DMD: variants seen among roughly 807,000 people sequenced by gnomAD.
DMD encodes mutant dystrophin.
DMD carries 63 observed loss-of-function variants against 330.1 expected under a neutral mutation model. That is an observed-to-expected ratio of 0.19 (90% CI 0.16 to 0.24). The LOEUF (loss-of-function observed/expected upper bound fraction) is 0.24, where lower values mean the gene tolerates loss of function less well. Among genes scored for constraint, DMD ranks in the 10% least tolerant of loss-of-function variants. The pLI is 1.00. For missense variants in DMD, 3,344 were observed against 2,684.1 expected, an observed-to-expected ratio of 1.25 and a Z score of -5.43; for synonymous variants, 1,223 against 959.8, an observed-to-expected ratio of 1.27 and a Z score of -5.07.
rs1282148726 is a variant in DMD, at chrX:33,010,029, C to T, written c.93+10110G>A. Reference sequence around the variant, plus strand: ...ATGTGTATATACACATATGTGTGTACATGTGTATATACACATGTGTATATA... The same window carrying T: ...ATGTGTATATACACATATGTGTGTATATGTGTATATACACATGTGTATATA... On this transcript the variant is annotated intron_variant, in intron 2 of 78. Transcript: ENST00000357033. Among the ~76,000 whole-genome samples the T allele has an allele frequency of 5.9e-4, 17 of 29,039 alleles. 1 individual carries two copies. The highest frequency in any genetic ancestry group is 2.2e-3 in the African/African-American group (15 of 6,915). The allele number at this position is 29,039 out of a possible 115,157, so 25.2% of individuals were successfully genotyped here.
chrX:31,397,545 T>C (rs1055166192), intron 60 of DMD, among the ~76,000 whole-genome samples: 2 of 112,663 alleles, frequency 1.8e-5, no homozygotes, highest in Admixed American at 1.9e-4. Context: ...AATCTCTTTA[T>C]CTGTTGCATC....
chrX:32,835,085 A>T (rs1231266471), intron 4 of DMD, among the ~76,000 whole-genome samples: 1 of 111,991 alleles, frequency 8.9e-6, no homozygotes, highest in Non-Finnish European at 1.9e-5. Flanking sequence ...TTAAAAGTGC[A>T]AATATCTAAT....
At chrX:33,314,699 G>C (rs1432175047) in intron 1 of DMD, among the ~76,000 whole-genome samples, 2 of 106,004 alleles carry the variant, frequency 1.9e-5, no homozygotes, top group Non-Finnish European at 3.9e-5. Flanking sequence ...TACATTCCTT[G>C]ATTCATGGCC....
At chrX:31,893,618 G>A (rs1189376365) in intron 47 of DMD, among the ~76,000 whole-genome samples, 1 of 111,139 alleles carries the variant, frequency 9.0e-6, no homozygotes, top group Admixed American at 9.6e-5. Context: ...CCATTCCCGG[G>A]TCTCAGATGA....
Position 32,967,710 on chromosome X carries a change from A to G in DMD, c.93+52429T>C, listed in dbSNP as rs760050685. The stretch of plus-strand genomic sequence containing the variant: ...ACCCTACATTTATCTTATAGTGTAG[A>G]CTATAGCTGTTCTTGCTTTTTTGTA... On this transcript the variant is annotated intron_variant, in intron 2 of 78. Coordinates refer to ENST00000357033, the MANE Select transcript of DMD (RefSeq NM_004006.3). 4.5e-5 allele frequency among the ~76,000 whole-genome samples: 5 copies of G among 111,761 alleles called. No individual in the cohort carries two copies. The South Asian group carries it at 1.9e-3, about 42-fold the overall frequency.
Position 32,287,666 on chromosome X carries a change from C to G in DMD, c.6153G>C (p.Arg2051=), listed in dbSNP as rs2097448016. The change falls in exon 43 of 79, where the codon CGG becomes CGC. Residue 2051 remains arginine, a synonymous_variant. Coordinates refer to ENST00000357033, the MANE Select transcript of DMD (RefSeq NM_004006.3). ...TCTTCTTGCTATGAATAATGTCAAT[C>G]CGACCTGAGCTTTGTTGTAGACTAT... ...IKDSLQQSSG[R]IDIIHSKKTA... 8.3e-7 allele frequency: 1 copy of G among 1,206,603 alleles called. No homozygotes were observed. Among genetic ancestry groups the G allele is most frequent in the Admixed American group, 2.2e-5 (1 of 45,503 alleles).
intron 17 of DMD, among the ~76,000 whole-genome samples, chrX:32,526,636 C>A (rs891390169): frequency 3.6e-5 from 4 of 111,716 alleles, no homozygotes; most frequent in Non-Finnish European, 7.5e-5. Context: ...AGGTTAATTA[C>A]ATCCCATATG....
intron 16 of DMD, among the ~76,000 whole-genome samples, chrX:32,552,500 G>A (rs1239296304): frequency 9.0e-6 from 1 of 111,549 alleles, no homozygotes; most frequent in East Asian, 2.8e-4. Flanking sequence ...TGCCACTCTG[G>A]ACATTGAAAC....
intron 44 of DMD, among the ~76,000 whole-genome samples, chrX:32,045,341 G>T (rs868210168): frequency 1.0e-5 from 1 of 97,336 alleles, no homozygotes; most frequent in Non-Finnish European, 2.0e-5. Flanking sequence ...TGAGCGATCT[G>T]TTTTGTTTTT....
In DMD at chrX:31,121,551, AAAC is replaced by A. The variant is rs1204385682; in HGVS notation, c.*365_*367del. The A allele has an allele frequency of 3.8e-5, 9 of 239,291 alleles. No homozygotes were observed. Among genetic ancestry groups the A allele is most frequent in the Non-Finnish European group, 5.9e-5 (8 of 135,170 alleles). The allele number at this position is 239,291 out of a possible 1,213,427, so 19.7% of individuals were successfully genotyped here. On this transcript the variant is annotated 3_prime_UTR_variant, in exon 79 of 79. Coordinates refer to ENST00000357033, the MANE Select transcript of DMD (RefSeq NM_004006.3). Reference sequence around the variant, plus strand: ...TTCTTTATAACTGTTATAAATTTTTAAACAACCCAAAATGCGTTCCATATAAAG... The same window carrying A: ...TTCTTTATAACTGTTATAAATTTTTAAACCCAAAATGCGTTCCATATAAAG...
At chrX:31,687,086 C>T (rs1001876870) in intron 52 of DMD, among the ~76,000 whole-genome samples, 1 of 111,028 alleles carries the variant, frequency 9.0e-6, no homozygotes, top group Non-Finnish European at 1.9e-5. Context: ...AATCTGCTAC[C>T]TTAAAGGGAA....
chrX:31,453,848 A>G (rs996337136), intron 59 of DMD, among the ~76,000 whole-genome samples: 19 of 106,011 alleles, frequency 1.8e-4, no homozygotes, highest in African/African-American at 6.5e-4. Context: ...AAGATAGTTC[A>G]TGAGTGTTTC....
At chrX:32,301,862 A>C (rs1569556533) in intron 42 of DMD, among the ~76,000 whole-genome samples, 1 of 111,437 alleles carries the variant, frequency 9.0e-6, no homozygotes. Flanking sequence ...ACATTTCATA[A>C]AGAAACTAAA....
chrX:33,150,447 C>A (rs906827146), intron 1 of DMD, among the ~76,000 whole-genome samples: 63 of 109,359 alleles, frequency 5.8e-4, no homozygotes, highest in Admixed American at 3.0e-4. Flanking sequence ...ATGTGCACCA[C>A]CACGCCCGGC....
intron 30 of DMD, among the ~76,000 whole-genome samples, chrX:32,393,152 G>A (rs1294447581): frequency 8.9e-6 from 1 of 111,778 alleles, no homozygotes; most frequent in Non-Finnish European, 1.9e-5. Context: ...ACACATTCCT[G>A]TTTCCATATG....
In DMD at chrX:32,585,775, T is replaced by A. The variant is rs1389388083; in HGVS notation, c.1602+9982A>T. Reference sequence around the variant, plus strand: ...TACTTGCTTATATTTCCCCTGTAATTTTGTATGGTGGGTATTATGATCACT... The same window carrying A: ...TACTTGCTTATATTTCCCCTGTAATATTGTATGGTGGGTATTATGATCACT... On this transcript the variant is annotated intron_variant, in intron 13 of 78. Coordinates refer to ENST00000357033, the MANE Select transcript of DMD (RefSeq NM_004006.3). 2.8e-5 allele frequency among the ~76,000 whole-genome samples: 3 copies of A among 107,410 alleles called. No homozygotes were observed. In the East Asian group the frequency reaches 8.6e-4, roughly 31 times the overall value. The allele number at this position is 107,410 out of a possible 115,157, so 93.3% of individuals were successfully genotyped here.
intron 48 of DMD, among the ~76,000 whole-genome samples, chrX:31,861,604 C>G (rs1461392148): frequency 9.1e-5 from 9 of 98,906 alleles, no homozygotes; most frequent in Admixed American, 8.8e-4. Flanking sequence ...AAAAAAGAGA[C>G]AGTTCTTTAA....
At chrX:32,797,157 C>A (rs1204439250) in intron 7 of DMD, among the ~76,000 whole-genome samples, 1 of 110,876 alleles carries the variant, frequency 9.0e-6, no homozygotes, top group Non-Finnish European at 1.9e-5. Flanking sequence ...GGCCTCAGTT[C>A]TTTTGCCTAG....
chrX:32,363,250 C>T (rs751646875), intron 36 of DMD, among the ~76,000 whole-genome samples: 21 of 111,720 alleles, frequency 1.9e-4, no homozygotes, highest in Non-Finnish European at 3.6e-4. Context: ...CGAGGAAGGA[C>T]AGGGATGTTT....
Sources: gnomAD v4.1 joint callset for allele counts (sites outside exome capture counted in the v4.1 genomes callset) on GRCh38, gnomAD v4.1.1 for gene constraint, MANE v1.5 for transcripts, NCBI Gene and HGNC (gene_info 2026-07-23, HGNC 2026-07-21) for gene names.